MYO16: variants seen among roughly 807,000 people sequenced by gnomAD.
MYO16 encodes the protein myosin XVI, also known as unconventional myosin-XVI.
MYO16 carries 94 observed loss-of-function variants against 205.3 expected under a neutral mutation model. That is an observed-to-expected ratio of 0.46 (90% CI 0.39 to 0.54). The LOEUF is 0.54. Ranked by LOEUF, MYO16 falls within the 20% of genes least tolerant of loss-of-function variation. The pLI, the probability that MYO16 is intolerant of heterozygous loss-of-function variation, is 0.00. For missense variants in MYO16, 2,315 were observed against 2,387.5 expected (o/e 0.97, Z 0.63); for synonymous variants, 988 against 954.0 (o/e 1.04, Z -0.66).
At chr13:109,084,696 T>C (rs1442795127) in intron 27 of MYO16, among the ~76,000 whole-genome samples, 1 of 152,112 alleles carries the variant, frequency 6.6e-6, no homozygotes, top group Non-Finnish European at 1.5e-5. Context: ...ATTAAAATTT[T>C]TTCTCCCACC....
At chr13:108,659,838 C>A (rs1192366619) in intron 1 of MYO16, among the ~76,000 whole-genome samples, 1 of 152,110 alleles carries the variant, frequency 6.6e-6, no homozygotes, top group East Asian at 1.9e-4. Flanking sequence ...CAAGTTCCTG[C>A]CTTTATGGGG....
At chr13:109,108,351 G>A (rs1264153726) in intron 28 of MYO16, among the ~76,000 whole-genome samples, 1 of 152,206 alleles carries the variant, frequency 6.6e-6, no homozygotes, top group African/African-American at 2.4e-5. Context: ...GGTGATATGT[G>A]TGATAGTTTC....
At chr13:108,572,481 C>G in the MYO16 span, among the ~76,000 whole-genome samples, 3 of 152,172 alleles carry the variant, frequency 2.0e-5, no homozygotes, top group African/African-American at 7.2e-5. Flanking sequence ...TCTGCTCCAG[C>G]CTTCCCAACA....
chr13:108,961,482 C>T lies in MYO16; in HGVS notation c.2038-57C>T, dbSNP rs1276507807. 6.4e-6 allele frequency: 9 copies of T among 1,409,874 alleles called. No individual in the cohort carries two copies. In the East Asian group the frequency reaches 1.4e-4, roughly 22 times the overall value. The allele number at this position is 1,409,874 out of a possible 1,614,324, so 87.3% of individuals were successfully genotyped here. A position where few individuals can be genotyped will look rare whatever the true frequency, so the allele number is the denominator to read the frequency against. ...TACTTTTAGATATTTAAAAATTTTG[C>T]CTTTTAATCTTTCTTCTAAGCACCC... is the stretch of plus-strand genomic sequence containing the variant. On this transcript the variant is annotated intron_variant, in intron 17 of 34. Coordinates refer to ENST00000457511, the MANE Select transcript of MYO16 (RefSeq NM_001198950.3).
chr13:108,903,598 G>C (rs1362413784), intron 15 of MYO16, among the ~76,000 whole-genome samples: 1 of 152,122 alleles, frequency 6.6e-6, no homozygotes, highest in East Asian at 1.9e-4. Context: ...ACTTTAAAAT[G>C]ATTTTCAGTT....
chr13:109,083,562 G>A (rs534455109), intron 27 of MYO16, among the ~76,000 whole-genome samples: 1 of 151,946 alleles, frequency 6.6e-6, no homozygotes, highest in Non-Finnish European at 1.5e-5. Flanking sequence ...AAGAACTTAC[G>A]AAACATAATG....
At chr13:108,682,395 A>G (rs1882498471) in intron 2 of MYO16, among the ~76,000 whole-genome samples, 1 of 151,404 alleles carries the variant, frequency 6.6e-6, no homozygotes, top group Admixed American at 6.6e-5. Context: ...TACTGACGTT[A>G]CTTCAATCAC....
At chr13:108,861,415 T>G (rs1266236731) in intron 11 of MYO16, among the ~76,000 whole-genome samples, 2 of 152,212 alleles carry the variant, frequency 1.3e-5, no homozygotes, top group African/African-American at 4.8e-5. Flanking sequence ...ATTTATCCAC[T>G]CTATACTTGA....
chr13:108,775,996 T>C (rs898532748), intron 4 of MYO16, among the ~76,000 whole-genome samples: 1 of 152,184 alleles, frequency 6.6e-6, no homozygotes, highest in African/African-American at 2.4e-5. Context: ...GGGTTTTGCC[T>C]ATACAACTTC....
intron 27 of MYO16, among the ~76,000 whole-genome samples, chr13:109,095,114 TC>T (rs1888738411): frequency 6.6e-6 from 1 of 152,186 alleles, no homozygotes; most frequent in Non-Finnish European, 1.5e-5. Flanking sequence ...TAACAGTTGT[TC>T]CCCTCATCCC....
intron 1 of MYO16, among the ~76,000 whole-genome samples, chr13:108,637,023 A>C (rs1880283760): frequency 6.6e-6 from 1 of 152,216 alleles, no homozygotes; most frequent in Non-Finnish European, 1.5e-5. Flanking sequence ...TTAACCTCAG[A>C]TATCCATATC....
chr13:108,536,796 AT>A, the MYO16 span, among the ~76,000 whole-genome samples: 1 of 152,134 alleles, frequency 6.6e-6, no homozygotes, highest in African/African-American at 2.4e-5. Flanking sequence ...GAATGTCTTA[AT>A]ATATTATTAT....
chr13:109,017,773 C>T (rs1465893372), intron 22 of MYO16, among the ~76,000 whole-genome samples: 1 of 152,172 alleles, frequency 6.6e-6, no homozygotes, highest in East Asian at 1.9e-4. Context: ...GAAGCTTGTG[C>T]ATGCGTCACG....
intron 28 of MYO16, chr13:109,101,344 G>T (rs1888961303): frequency 1.3e-5 from 2 of 155,436 alleles, no homozygotes; most frequent in South Asian, 3.9e-4. Context: ...GTTTCTCTTT[G>T]CCCTGCTTCT....
intron 7 of MYO16, among the ~76,000 whole-genome samples, chr13:108,807,576 T>C (rs905493608): frequency 5.9e-5 from 9 of 152,202 alleles, no homozygotes; most frequent in African/African-American, 1.2e-4. Context: ...TTCTCCTTGA[T>C]TGAGTCTTGA....
chr13:108,524,160 G>A, the MYO16 span, among the ~76,000 whole-genome samples: 1 of 151,940 alleles, frequency 6.6e-6, no homozygotes, highest in Admixed American at 6.6e-5. Flanking sequence ...ATTAGCCTGG[G>A]GTGGCAGTGT....
At chr13:109,110,016 A>G (rs936740512) in intron 28 of MYO16, among the ~76,000 whole-genome samples, 2 of 152,368 alleles carry the variant, frequency 1.3e-5, no homozygotes, top group South Asian at 4.1e-4. Context: ...GGCAGATGAC[A>G]ATAGGACAAG....
chr13:109,022,841 ATATT>A (rs1032193279), intron 23 of MYO16, among the ~76,000 whole-genome samples: 3 of 137,072 alleles, frequency 2.2e-5, no homozygotes, highest in South Asian at 2.3e-4. Flanking sequence ...AACATAGTAT[ATATT>A]TATATATTAT....
intron 16 of MYO16, among the ~76,000 whole-genome samples, chr13:108,954,724 G>A (rs559511507): frequency 5.0e-4 from 76 of 152,214 alleles, no homozygotes; most frequent in African/African-American, 1.7e-3. Context: ...TGGAGACAGA[G>A]CAAGACCCTG....
Sources: gnomAD v4.1 joint callset for allele counts (sites outside exome capture counted in the v4.1 genomes callset) on GRCh38, gnomAD v4.1.1 for gene constraint, MANE v1.5 for transcripts, NCBI Gene and HGNC (gene_info 2026-07-23, HGNC 2026-07-21) for gene names.